TRIP4: variants seen among roughly 807,000 people sequenced by gnomAD.
TRIP4 encodes the protein activating signal cointegrator 1.
TRIP4 carries 54 observed loss-of-function variants against 81.8 expected under a neutral mutation model. The observed-to-expected ratio is 0.66, with a 90% CI of 0.53 to 0.83. The LOEUF (loss-of-function observed/expected upper bound fraction) is 0.83. Ranked by LOEUF, TRIP4 falls within the 40% of genes least tolerant of loss-of-function variation. TRIP4 has a pLI of 0.00. For missense variants in TRIP4, 662 were observed against 683.6 expected (o/e 0.97, Z 0.35); for synonymous variants, 270 against 242.8 (o/e 1.11, Z -1.04).
intron 11 of TRIP4, among the ~76,000 whole-genome samples, chr15:64,439,483 A>G (rs1051421350): frequency 1.0e-5 from 1 of 95,612 alleles, no homozygotes; most frequent in Non-Finnish European, 2.2e-5. Context: ...TGCTTTAGTT[A>G]TTAGTTCTTC....
At chr15:64,430,299 T>C (rs1453773363) in intron 11 of TRIP4, among the ~76,000 whole-genome samples, 1 of 152,246 alleles carries the variant, frequency 6.6e-6, no homozygotes. Context: ...GAAAAGGCTA[T>C]GGGTTCAACT....
intron 6 of TRIP4, among the ~76,000 whole-genome samples, chr15:64,407,167 ATC>A (rs1891641751): frequency 2.0e-5 from 3 of 152,132 alleles, no homozygotes; most frequent in African/African-American, 7.2e-5. Flanking sequence ...GAGACCCTGA[ATC>A]TCTTGTAACC....
chr15:64,404,645 CTA>C (rs1356358490), intron 5 of TRIP4, among the ~76,000 whole-genome samples: 2 of 152,060 alleles, frequency 1.3e-5, no homozygotes, highest in East Asian at 3.9e-4. Context: ...GCACATGCCT[CTA>C]TGTTTTTTTC....
At chr15:64,433,095 C>T (rs1892313549) in intron 11 of TRIP4, among the ~76,000 whole-genome samples, 1 of 151,862 alleles carries the variant, frequency 6.6e-6, no homozygotes, top group South Asian at 2.1e-4. Flanking sequence ...AAAAGTGAAC[C>T]TAACTGTCTT....
chr15:64,438,834 G>A (rs543879446), intron 11 of TRIP4, among the ~76,000 whole-genome samples: 164 of 152,238 alleles, frequency 1.1e-3, no homozygotes, highest in African/African-American at 3.5e-3. Context: ...TGTTACTGTC[G>A]ATAAAATGAG....
At chr15:64,444,560 A>G (rs1186171300) in intron 11 of TRIP4, 2 of 152,260 alleles carry the variant, frequency 1.3e-5, no homozygotes, top group East Asian at 1.9e-4. Context: ...GAGAAGGGCT[A>G]TGTGTACTGT....
intron 12 of TRIP4, among the ~76,000 whole-genome samples, chr15:64,447,258 A>G (rs1892655558): frequency 6.6e-6 from 1 of 152,160 alleles, no homozygotes; most frequent in African/African-American, 2.4e-5. Flanking sequence ...TTGCTTTCCC[A>G]TTGTGTGAAT....
In TRIP4 at chr15:64,414,016, A is replaced by G. The variant is rs1478159129; in HGVS notation, c.1044-69A>G. ...AATTTTATTACTATTAAAGCATTTT[A>G]TGTTGGTGGTAAGCATTCTGAGCAT... On this transcript the variant is annotated intron_variant, in intron 7 of 12. Transcript: ENST00000261884. 3.2e-6 allele frequency: 5 copies of G among 1,556,240 alleles called. No homozygotes were observed. In the African/African-American group the frequency reaches 4.1e-5, roughly 13 times the overall value.
chr15:64,394,044 T>A lies in TRIP4; in HGVS notation c.200T>A (p.Leu67His). ...EGKKGQFIEE[L>H]ITKWQKNDQE... ...AAAAAAGGTCAATTCATAGAAGAACTTATAACCAAATGGCAAAAGAATGAT... is the reference window on the plus strand; with the variant it reads ...AAAAAAGGTCAATTCATAGAAGAACATATAACCAAATGGCAAAAGAATGAT... Residue 67 changes from leucine (L) to histidine (H), a missense_variant, in exon 2 of 13, where the codon CTT (leucine) becomes CAT (histidine). Transcript: ENST00000261884. 6.2e-7 allele frequency: 1 copy of A among 1,611,766 alleles called. No individual in the cohort carries two copies. The highest frequency in any genetic ancestry group is 1.3e-5 in the African/African-American group (1 of 74,958).
chr15:64,431,831 T>TTATATATATATATATATATATA (rs1223726422), intron 11 of TRIP4, among the ~76,000 whole-genome samples: 1 of 42,410 alleles, frequency 2.4e-5, no homozygotes, highest in African/African-American at 4.5e-5. Context: ...ACCATTTATA[T>TTATATATATATATATATATATA]TATATATATA....
chr15:64,444,117 G>T (rs950331173), intron 11 of TRIP4, among the ~76,000 whole-genome samples: 2 of 152,116 alleles, frequency 1.3e-5, no homozygotes, highest in Non-Finnish European at 2.9e-5. Context: ...GTCAAATAAG[G>T]GTGGAAAATA....
Position 64,425,646 on chromosome 15 carries a change from CT to C in TRIP4, c.1575+26del, listed in dbSNP as rs761611468. ...TTAAGGAGCAGGTGAGTAAAGAATA[CT>C]TTTTTTTTTTAGAGACAGGGTTTCG... On this transcript the variant is annotated intron_variant, in intron 11 of 12. Transcript: ENST00000261884. 70,542 of 1,068,366 alleles carry C rather than the reference CT, an allele frequency of 0.066. No individual in the cohort carries two copies. Among genetic ancestry groups the C allele is most frequent in the South Asian group, 0.096 (5,432 of 56,394 alleles). 66.2% of individuals were successfully genotyped at this position (1,068,366 alleles called of 1,614,324 possible). A position where few individuals can be genotyped will look rare whatever the true frequency, so the allele number is the denominator to read the frequency against.
In TRIP4 at chr15:64,434,979, G is replaced by A. The variant is rs1487155141; in HGVS notation, c.1575+9348G>A. 3.3e-5 allele frequency among the ~76,000 whole-genome samples: 5 copies of A among 152,020 alleles called. No individual in the cohort carries two copies. In the South Asian group the frequency reaches 1.0e-3, roughly 32 times the overall value. Reference sequence around the variant, plus strand: ...GCCTGTAATCCCAGCACTTTGGGTGGCTCAGGTGGGCAGGTCACTTGAGCC... The same window carrying A: ...GCCTGTAATCCCAGCACTTTGGGTGACTCAGGTGGGCAGGTCACTTGAGCC... On this transcript the variant is annotated intron_variant, in intron 11 of 12. Transcript: ENST00000261884.
intron 11 of TRIP4, among the ~76,000 whole-genome samples, chr15:64,438,432 G>A (rs776675244): frequency 7.2e-5 from 11 of 152,184 alleles, no homozygotes; most frequent in Non-Finnish European, 1.5e-4. Context: ...CGATTCTCCT[G>A]CCTCAGCCTC....
At chr15:64,442,356 T>A (rs1468592319) in intron 11 of TRIP4, among the ~76,000 whole-genome samples, 2 of 152,104 alleles carry the variant, frequency 1.3e-5, no homozygotes, top group Admixed American at 1.3e-4. Flanking sequence ...TAAGAAATGG[T>A]GAGATATTGG....
chr15:64,417,235 C>G (rs1891907884), intron 8 of TRIP4, among the ~76,000 whole-genome samples: 1 of 152,102 alleles, frequency 6.6e-6, no homozygotes, highest in Non-Finnish European at 1.5e-5. Context: ...TGGTCTTAAA[C>G]TTCTGGGCTC....
chr15:64,394,701 A>G (rs1900239362), intron 2 of TRIP4, among the ~76,000 whole-genome samples: 1 of 152,174 alleles, frequency 6.6e-6, no homozygotes, highest in African/African-American at 2.4e-5. Flanking sequence ...TACATAAAGA[A>G]ACATTTTTCA....
chr15:64,405,281 A>G (rs952454162), intron 5 of TRIP4, among the ~76,000 whole-genome samples: 1 of 151,884 alleles, frequency 6.6e-6, no homozygotes, highest in East Asian at 1.9e-4. Flanking sequence ...CAGCCTCCCA[A>G]GTAGCTGGGA....
At chr15:64,450,105 C>G (rs961006527) in intron 12 of TRIP4, among the ~76,000 whole-genome samples, 13 of 152,146 alleles carry the variant, frequency 8.5e-5, no homozygotes, top group African/African-American at 3.1e-4. Context: ...CTTAGAAGCC[C>G]AGGGTGGGCT....
Sources: gnomAD v4.1 joint callset for allele counts (sites outside exome capture counted in the v4.1 genomes callset) on GRCh38, gnomAD v4.1.1 for gene constraint, MANE v1.5 for transcripts, NCBI Gene and HGNC (gene_info 2026-07-23, HGNC 2026-07-21) for gene names.